The following IDH3B variants were observed in gnomAD, a reference collection of about 807,000 sequenced individuals.
IDH3B encodes the protein isocitrate dehydrogenase [NAD] subunit beta, mitochondrial.
A neutral mutation model predicts 47.5 loss-of-function variants in IDH3B; 40 were observed. The ratio of observed to expected loss-of-function variants is 0.84; its 90% CI spans 0.65 to 1.10. The LOEUF (loss-of-function observed/expected upper bound fraction) is 1.10. IDH3B is among the 50% of genes least tolerant of loss of function. The probability of loss-of-function intolerance (pLI) is 0.00; values close to 1 mark genes in which losing one functional copy is unlikely to be tolerated. For synonymous variants in IDH3B, 185 were observed against 191.0 expected (o/e 0.97, Z 0.26); for missense variants, 450 against 505.2 (o/e 0.89, Z 1.05).
At position 2,659,736 on chromosome 20, in the gene IDH3B, TG is replaced by T; in HGVS notation, c.972del (p.Met325CysfsTer20). On this transcript the variant is annotated frameshift_variant, in exon 10 of 12. Transcript: ENST00000380843. LOFTEE classifies it high-confidence loss of function. Reference protein sequence around the residue: ...AVGRNIANPTAMLLSASNMLR... With the variant: ...AVGRNIANPTXMLLSASNMLR... ...AGCATGTTGGAAGCCGACAGCAGCA[TG>T]GCCGTGGGATTGGCTATATTCCTGC... The T allele has an allele frequency of 6.2e-7, 1 of 1,614,172 alleles. No homozygotes were observed. The highest frequency in any genetic ancestry group is 8.5e-7 in the Non-Finnish European group (1 of 1,180,016).
At chr20:2,659,032 G>C in intron 11 of IDH3B, 195 bp from the exon 12 acceptor site, 1 of 1,451,100 alleles carries the variant, frequency 6.9e-7, no homozygotes, top group Non-Finnish European at 9.0e-7. Flanking sequence ...TATTAGCTGT[G>C]CTGCAGCCAG....
At position 2,660,134 on chromosome 20, in the gene IDH3B, T is replaced by C. The variant is rs765433750; in HGVS notation, c.811A>G (p.Asn271Asp). 39 of 1,613,974 alleles carry C rather than the reference T, an allele frequency of 2.4e-5. No individual in the cohort carries two copies. ...TTGTCAATAATGTTCCCATAGAGAT[T>C]GGGCATCACAAGCACATCAAACTGG... ...PYQFDVLVMP[N>D]LYGNIIDNLA... Residue 271 changes from asparagine to aspartate, a missense_variant, in exon 9 of 12, where the codon AAT becomes GAT. Asn to Asp is a conservative substitution (Grantham distance 23). Coordinates refer to ENST00000380843, the MANE Select transcript of IDH3B (RefSeq NM_006899.5). This position sits in a 1 kb window ranked among gnomAD's most constrained non-coding sequence, Gnocchi z 5.6.
In IDH3B at chr20:2,658,695, T is replaced by C; in HGVS notation, c.*56A>G. On this transcript the variant is annotated 3_prime_UTR_variant, in exon 12 of 12. Transcript: ENST00000380843. ...GCACAAGGTCTCTTCCCTGGTACAC[T>C]GCACTGAAGGGTATGGGGAGTGTGG... 2 of 1,614,152 alleles carry C rather than the reference T, an allele frequency of 1.2e-6. No individual in the cohort carries two copies. Among genetic ancestry groups the C allele is most frequent in the South Asian group, 1.1e-5 (1 of 91,076 alleles).
intron 11 of IDH3B, chr20:2,659,106 T>C: frequency 7.0e-7 from 1 of 1,436,284 alleles, no homozygotes; most frequent in Non-Finnish European, 9.1e-7. Context: ...AGGATGTGGC[T>C]ACCTTCCTTG....
At chr20:2,659,157 A>T (rs1316420657) in intron 11 of IDH3B, 15 of 1,286,904 alleles carry the variant, frequency 1.2e-5, no homozygotes, top group Non-Finnish European at 1.4e-5. Context: ...AAAGAATCAC[A>T]GCGAAAAGGA....
Position 2,658,456 on chromosome 20 carries a change from A to G in IDH3B, c.*295T>C. 2.5e-6 allele frequency: 4 copies of G among 1,614,132 alleles called. No individual in the cohort carries two copies. Among genetic ancestry groups the G allele is most frequent in the Non-Finnish European group, 3.4e-6 (4 of 1,179,996 alleles). On this transcript the variant is annotated 3_prime_UTR_variant, in exon 12 of 12. Transcript: ENST00000380843. ...ATGGACAGGGCCTATGGGTGGGGCAAGGCAGCAATGACAGCCTCAGTGAAG... is the reference window on the plus strand; with the variant it reads ...ATGGACAGGGCCTATGGGTGGGGCAGGGCAGCAATGACAGCCTCAGTGAAG...
Position 2,658,461 on chromosome 20 carries a change from G to A in IDH3B, c.*290C>T, listed in dbSNP as rs371328637. On this transcript the variant is annotated 3_prime_UTR_variant, in exon 12 of 12. Transcript: ENST00000380843. ...CAGGGCCTATGGGTGGGGCAAGGCA[G>A]CAATGACAGCCTCAGTGAAGTCATG... 157 of 1,614,062 alleles carry A rather than the reference G, an allele frequency of 9.7e-5. No homozygotes were observed. The highest frequency in any genetic ancestry group is 1.3e-4 in the Non-Finnish European group (148 of 1,180,032).
chr20:2,663,824 GAGA>G, intron 2 of IDH3B, 66 bp from the exon 3 acceptor site: 1 of 1,592,592 alleles, frequency 6.3e-7, no homozygotes, highest in South Asian at 1.1e-5. Context: ...CCTGGGAGTA[GAGA>G]AGTAGGGAGA....
chr20:2,659,662 G>A (rs573304274), intron 10 of IDH3B, 37 bp downstream of exon 10: 79 of 1,608,288 alleles, frequency 4.9e-5, no homozygotes, highest in East Asian at 2.5e-4. Context: ...TCCTCCTCAC[G>A]ACACCCAACC....
rs764538486 is a variant in IDH3B at position 2,664,143 on chromosome 20, G to A, written c.36+10C>T. The A allele has an allele frequency of 5.6e-6, 9 of 1,612,896 alleles. No individual in the cohort carries two copies. Among genetic ancestry groups the A allele is most frequent in the African/African-American group, 4.0e-5 (3 of 74,926 alleles). Reference sequence around the variant, plus strand: ...CGCCCGCCCCTGCCCGACATGTCCCGGGGCCTCACTCGGGTCAGCCAGCGG... The same window carrying A: ...CGCCCGCCCCTGCCCGACATGTCCCAGGGCCTCACTCGGGTCAGCCAGCGG... On this transcript the variant is annotated intron_variant, in intron 1 of 11. Transcript: ENST00000380843.
At chr20:2,659,651 C>T in intron 10 of IDH3B, 48 bp downstream of exon 10, 2 of 1,607,606 alleles carry the variant, frequency 1.2e-6, no homozygotes, top group Non-Finnish European at 1.7e-6. Context: ...TCCCCACCTG[C>T]TCCTCCTCAC....
rs967231812 is a variant in IDH3B at position 2,658,504 on chromosome 20, C to A, written c.*247G>T. The A allele has an allele frequency of 3.1e-6, 5 of 1,614,070 alleles. No individual in the cohort carries two copies. In the Admixed American group the frequency reaches 5.0e-5, roughly 16 times the overall value. Reference sequence around the variant, plus strand: ...AAGTCATGGCAAGTAGCATAGCCACCCATGTCAGAGGTTCGAACCTGTGGG... The same window carrying A: ...AAGTCATGGCAAGTAGCATAGCCACACATGTCAGAGGTTCGAACCTGTGGG... On this transcript the variant is annotated 3_prime_UTR_variant, in exon 12 of 12. Coordinates refer to ENST00000380843, the MANE Select transcript of IDH3B (RefSeq NM_006899.5).
At chr20:2,659,613 G>C (rs2086900020) in intron 10 of IDH3B, 28 bp from the exon 11 acceptor site, 1 of 1,612,982 alleles carries the variant, frequency 6.2e-7, no homozygotes, top group African/African-American at 1.3e-5. Flanking sequence ...AAGAAACTGT[G>C]ACTCCCCCAA....
Position 2,663,961 on chromosome 20 carries a change from A to T in IDH3B, c.81T>A (p.Ser27Arg). 1 of 1,614,132 alleles carries T rather than the reference A, an allele frequency of 6.2e-7. No individual in the cohort carries two copies. The highest frequency in any genetic ancestry group is 8.5e-7 in the Non-Finnish European group (1 of 1,180,016). The change falls in exon 2 of 12, where the codon AGT becomes AGA. Residue 27 changes from serine to arginine, a missense_variant. Transcript: ENST00000380843. ...ATGCAGCGTGCGCCGCGGCCGAGGT[A>T]CTCAGACCTCTCCATGCCCCAGGGT... The part of the protein sequence containing the change: ...AGNPGAWRGL[S>R]TSAAAHAASR...
rs1361605147 is a variant in IDH3B at position 2,659,588 on chromosome 20, G to A, written c.1011-3C>T. The A allele has an allele frequency of 6.2e-7, 1 of 1,614,144 alleles. No individual in the cohort carries two copies. The highest frequency in any genetic ancestry group is 8.5e-7 in the Non-Finnish European group (1 of 1,179,942). On this transcript the variant is annotated splice_polypyrimidine_tract_variant and splice_region_variant and intron_variant, in intron 10 of 11. Coordinates refer to ENST00000380843, the MANE Select transcript of IDH3B (RefSeq NM_006899.5). The stretch of plus-strand genomic sequence containing the variant: ...TCATGCTGGAGTGATACTCAAGACT[G>A]TGGATATGGACAGGAAGAAACTGTG...
intron 11 of IDH3B, chr20:2,659,108 C>A: frequency 7.0e-7 from 1 of 1,435,926 alleles, no homozygotes. Flanking sequence ...GATGTGGCTA[C>A]CTTCCTTGGA....
At position 2,663,582 on chromosome 20, in the gene IDH3B, C is replaced by T; in HGVS notation, c.217-16G>A. 6.2e-7 allele frequency: 1 copy of T among 1,614,154 alleles called. No homozygotes were observed. Among genetic ancestry groups the T allele is most frequent in the South Asian group, 1.1e-5 (1 of 91,088 alleles). ...CAGCGGCAGCCTTCAGAGACAGGTT[C>T]CCAAAACATCACAGTCAAGGCCAAG... On this transcript the variant is annotated splice_polypyrimidine_tract_variant and intron_variant, in intron 3 of 11. Transcript: ENST00000380843.
rs1219192794 is a variant in IDH3B, at chr20:2,661,113, TG to T, written c.338-145del. 11 of 743,296 alleles carry T rather than the reference TG, an allele frequency of 1.5e-5. No homozygotes were observed. The Admixed American group carries it at 2.2e-4, about 15-fold the overall frequency. 46.0% of individuals were successfully genotyped at this position (743,296 alleles called of 1,614,324 possible). ...CATCAGTAAACTTTTAAATTGTCTC[TG>T]GGGGCAAGGGACAAAAGAGAATAAT... On this transcript the variant is annotated intron_variant, in intron 4 of 11. Coordinates refer to ENST00000380843, the MANE Select transcript of IDH3B (RefSeq NM_006899.5).
chr20:2,661,454 T>G (rs956611529), intron 4 of IDH3B, among the ~76,000 whole-genome samples: 3 of 152,202 alleles, frequency 2.0e-5, no homozygotes, highest in East Asian at 3.8e-4. Flanking sequence ...CGCCCCGGCC[T>G]TAATGCTTTA....
Sources: allele counts gnomAD v4.1 joint callset (sites outside exome capture counted in the v4.1 genomes callset), GRCh38; gene constraint gnomAD v4.1.1; non-coding constraint Gnocchi (gnomAD v3.1); transcripts MANE v1.5; gene names NCBI Gene and HGNC (gene_info 2026-07-23, HGNC 2026-07-21).